IMMP2L: variants seen among roughly 807,000 people sequenced by gnomAD.
IMMP2L encodes mitochondrial inner membrane protease subunit 2.
A neutral mutation model predicts 19.3 loss-of-function variants in IMMP2L; 18 were observed. That is an observed-to-expected ratio of 0.93 (90% confidence interval 0.64 to 1.38). The LOEUF is 1.38. IMMP2L is among the 40% of genes most tolerant of loss of function. The pLI, the probability that IMMP2L is intolerant of heterozygous loss-of-function variation, is 0.00. For missense variants in IMMP2L, 233 were observed against 218.2 expected, an observed-to-expected ratio of 1.07 and a Z score of -0.43; for synonymous variants, 76 against 73.0, an observed-to-expected ratio of 1.04 and a Z score of -0.21.
chr7:111,331,024 C>G (rs1411421788), intron 3 of IMMP2L, among the ~76,000 whole-genome samples: 1 of 151,822 alleles, frequency 6.6e-6, no homozygotes, highest in African/African-American at 2.4e-5. Flanking sequence ...TATGGAAGTT[C>G]CTCAAAAAAC....
At position 110,886,674 on chromosome 7, in the gene IMMP2L, C is replaced by A. The variant is rs368827147; in HGVS notation, c.327G>T (p.Arg109=). 10 of 1,596,472 alleles carry A rather than the reference C, an allele frequency of 6.3e-6. No homozygotes were observed. The African/African-American group carries it at 8.0e-5, about 13-fold the overall frequency. Residue 109 remains arginine, a synonymous_variant, in exon 5 of 6, where the codon CGG becomes CGT. Transcript: ENST00000405709. ...DIVRTIGHKN[R]YVKVPRGHIW... is the part of the protein sequence containing the mutation. The stretch of plus-strand genomic sequence containing the variant: ...TGTGACCACGGGGGACTTTGACATA[C>A]CGGTTTTTGTGTCCTATGGTTCTGG...
At chr7:111,273,650 G>C (rs1818717901) in intron 3 of IMMP2L, among the ~76,000 whole-genome samples, 2 of 152,190 alleles carry the variant, frequency 1.3e-5, no homozygotes, top group Admixed American at 1.3e-4. Context: ...CCTGATGAAG[G>C]AACACTTCCC....
chr7:110,842,483 A>G (rs1401948669), intron 5 of IMMP2L, among the ~76,000 whole-genome samples: 2 of 152,320 alleles, frequency 1.3e-5, no homozygotes, highest in African/African-American at 4.8e-5. Flanking sequence ...GGCAAGTGCT[A>G]CTGTGCTCTT....
At chr7:111,161,186 T>G (rs1387712863) in intron 3 of IMMP2L, among the ~76,000 whole-genome samples, 2 of 151,914 alleles carry the variant, frequency 1.3e-5, no homozygotes, top group Non-Finnish European at 2.9e-5. Context: ...TATACTTTTC[T>G]AGAGAATGAG....
chr7:111,023,855 G>C (rs1426715055), intron 3 of IMMP2L, among the ~76,000 whole-genome samples: 1 of 152,136 alleles, frequency 6.6e-6, no homozygotes, highest in Non-Finnish European at 1.5e-5. Context: ...CTATGGATGA[G>C]GAGTCCATGA....
At position 110,843,017 on chromosome 7, in the gene IMMP2L, A is replaced by T. The variant is rs553688553; in HGVS notation, c.408+43576T>A. ...TAGCTATATCGAATCAGATAAAAAA[A>T]ATCTGAGATAAAATGCATGGTTATT... On this transcript the variant is annotated intron_variant, in intron 5 of 5. Coordinates refer to ENST00000405709, the MANE Select transcript of IMMP2L (RefSeq NM_032549.4). 3.3e-5 allele frequency among the ~76,000 whole-genome samples: 5 copies of T among 152,324 alleles called. No homozygotes were observed. The South Asian group carries it at 6.2e-4, about 19-fold the overall frequency.
chr7:110,988,425 T>C (rs1822081165), intron 3 of IMMP2L, among the ~76,000 whole-genome samples: 1 of 152,202 alleles, frequency 6.6e-6, no homozygotes, highest in African/African-American at 2.4e-5. Flanking sequence ...ATATGACTTC[T>C]AGTCACATTT....
intron 3 of IMMP2L, among the ~76,000 whole-genome samples, chr7:111,254,563 T>C (rs974146446): frequency 6.6e-6 from 1 of 152,144 alleles, no homozygotes; most frequent in Non-Finnish European, 1.5e-5. Context: ...TGATACCTAG[T>C]TTATTGGGTA....
chr7:111,105,166 C>G (rs1253858220), intron 3 of IMMP2L, among the ~76,000 whole-genome samples: 4 of 151,722 alleles, frequency 2.6e-5, no homozygotes, highest in Non-Finnish European at 4.4e-5. Context: ...ACCACAAAAC[C>G]TTTGAAGTGC....
At chr7:111,367,262 T>C (rs1314646544) in intron 3 of IMMP2L, among the ~76,000 whole-genome samples, 1 of 151,842 alleles carries the variant, frequency 6.6e-6, no homozygotes, top group African/African-American at 2.4e-5. Flanking sequence ...TTCTGTAAAT[T>C]GTTTTAATAA....
At chr7:111,464,985 G>A (rs1212106971) in intron 3 of IMMP2L, among the ~76,000 whole-genome samples, 2 of 152,058 alleles carry the variant, frequency 1.3e-5, no homozygotes, top group African/African-American at 4.8e-5. Context: ...GTAGAGACAA[G>A]GTTTCACCGT....
intron 1 of IMMP2L, among the ~76,000 whole-genome samples, chr7:111,534,829 G>A (rs1294360340): frequency 6.6e-6 from 1 of 152,112 alleles, no homozygotes; most frequent in Non-Finnish European, 1.5e-5. Context: ...GTTAAAGGAG[G>A]CTGAGCATAC....
chr7:110,668,778 CTTTTT>C (rs201051720), intron 5 of IMMP2L, among the ~76,000 whole-genome samples: 1 of 143,982 alleles, frequency 6.9e-6, no homozygotes, highest in African/African-American at 2.7e-5. Context: ...TTCAGGGTTT[CTTTTT>C]TTTAATATTG....
chr7:111,004,518 G>C (rs917763), intron 3 of IMMP2L, among the ~76,000 whole-genome samples: 68,944 of 151,832 alleles, frequency 0.45, 17,361 homozygotes, highest in Non-Finnish European at 0.58. Context: ...GTAATAACTG[G>C]ATAAATGTCA....
At chr7:111,137,346 G>T (rs939986586) in intron 3 of IMMP2L, among the ~76,000 whole-genome samples, 1 of 152,080 alleles carries the variant, frequency 6.6e-6, no homozygotes, top group African/African-American at 2.4e-5. Context: ...TGGAAGTAAA[G>T]AATTTTAATC....
chr7:110,956,234 T>C (rs1213251162), intron 4 of IMMP2L, among the ~76,000 whole-genome samples: 1 of 152,032 alleles, frequency 6.6e-6, no homozygotes, highest in Non-Finnish European at 1.5e-5. Flanking sequence ...AAATTGTCAT[T>C]TAAATATTTT....
At chr7:111,360,560 G>A (rs979918213) in intron 3 of IMMP2L, among the ~76,000 whole-genome samples, 2 of 152,178 alleles carry the variant, frequency 1.3e-5, no homozygotes, top group African/African-American at 2.4e-5. Context: ...GCTCTTGCCT[G>A]TAATCCCAGC....
intron 3 of IMMP2L, among the ~76,000 whole-genome samples, chr7:111,096,507 T>TA (rs1797410168): frequency 6.5e-4 from 28 of 43,092 alleles, no homozygotes; most frequent in Non-Finnish European, 1.5e-3. Flanking sequence ...TGAGTTAAAT[T>TA]TAAAAAAAAA....
intron 4 of IMMP2L, among the ~76,000 whole-genome samples, chr7:110,900,873 G>C (rs1006927988): frequency 5.9e-5 from 9 of 151,962 alleles, no homozygotes; most frequent in African/African-American, 2.2e-4. Context: ...GGGAATTACT[G>C]TCTTATACCA....
Sources: gnomAD v4.1 joint callset for allele counts (sites outside exome capture counted in the v4.1 genomes callset) on GRCh38, gnomAD v4.1.1 for gene constraint, MANE v1.5 for transcripts, NCBI Gene and HGNC (gene_info 2026-07-23, HGNC 2026-07-21) for gene names.